KAT14: variants seen among roughly 807,000 people sequenced by gnomAD.
The protein encoded by KAT14 is lysine acetyltransferase 14, also known as cysteine-rich protein 2-binding protein.
In KAT14, 66 loss-of-function variants were observed where a neutral mutation model predicts 78.4. The observed-to-expected ratio is 0.84, with a 90% CI of 0.69 to 1.03. KAT14 has a LOEUF of 1.03. KAT14 is among the 50% of genes least tolerant of loss of function. The pLI, the probability that KAT14 is intolerant of heterozygous loss-of-function variation, is 0.00. For synonymous variants in KAT14, 344 were observed against 359.4 expected (o/e 0.96, Z 0.48); for missense variants, 870 against 972.5 (o/e 0.89, Z 1.40).
At chr20:18,150,147 T>C (rs1263909032) in intron 3 of KAT14, among the ~76,000 whole-genome samples, 1 of 152,120 alleles carries the variant, frequency 6.6e-6, no homozygotes, top group Non-Finnish European at 1.5e-5. Context: ...CATCCTGAGC[T>C]CTGGGGTTGT....
intron 2 of KAT14, among the ~76,000 whole-genome samples, chr20:18,143,643 T>TTTTTTTGA (rs1421476027): frequency 6.7e-6 from 1 of 149,884 alleles, no homozygotes; most frequent in Admixed American, 6.7e-5. Flanking sequence ...TTTTTTTTTT[T>TTTTTTTGA]TGAGACGGAG....
chr20:18,183,321 G>A, intron 9 of KAT14, 23 bp downstream of exon 9: 3 of 1,605,296 alleles, frequency 1.9e-6, no homozygotes, highest in Non-Finnish European at 2.6e-6. Context: ...TCCCAAACCA[G>A]GCAGGTCATT....
intron 7 of KAT14, among the ~76,000 whole-genome samples, chr20:18,177,753 A>T (rs1193709844): frequency 3.3e-5 from 5 of 152,158 alleles, no homozygotes; most frequent in African/African-American, 1.2e-4. Context: ...CAACTTTATA[A>T]ATGTGCCTTT....
intron 2 of KAT14, among the ~76,000 whole-genome samples, chr20:18,143,746 G>A (rs1482004878): frequency 1.3e-5 from 2 of 151,920 alleles, no homozygotes; most frequent in African/African-American, 4.8e-5. Context: ...TCCTGCCTCG[G>A]CCTCCCGAGT....
At position 18,187,408 on chromosome 20, in the gene KAT14, AT is replaced by A; in HGVS notation, c.2297del (p.Leu766TrpfsTer12). ...VLDFYDKYYP[L>X]ESTECKHAFF... is the part of the protein sequence containing the mutation. ...TAGATTTCTATGATAAATATTACCC[AT>A]TGGAGAGTACAGAGTGTAAACACGC... is the stretch of plus-strand genomic sequence containing the variant. On this transcript the variant is annotated frameshift_variant, in exon 11 of 11. Coordinates refer to ENST00000688188, the MANE Select transcript of KAT14 (RefSeq NM_001392073.1). LOFTEE classifies it high-confidence loss of function. The A allele has an allele frequency of 6.2e-7, 1 of 1,614,236 alleles. No homozygotes were observed. The highest frequency in any genetic ancestry group is 8.5e-7 in the Non-Finnish European group (1 of 1,180,040).
Position 18,172,696 on chromosome 20 carries a change from T to G in KAT14, c.1669-9014T>G, listed in dbSNP as rs989034981. Among the ~76,000 whole-genome samples the G allele has an allele frequency of 1.4e-4, 21 of 152,360 alleles. No homozygotes were observed. The South Asian group carries it at 3.9e-3, about 29-fold the overall frequency. On this transcript the variant is annotated intron_variant, in intron 7 of 10. Coordinates refer to ENST00000688188, the MANE Select transcript of KAT14 (RefSeq NM_001392073.1). ...TCTGAGGTGTGCCTATATTTTAAATTCCCAGTCCAGTAGCTGTAACATCTT... is the reference window on the plus strand; with the variant it reads ...TCTGAGGTGTGCCTATATTTTAAATGCCCAGTCCAGTAGCTGTAACATCTT...
chr20:18,148,735 G>A (rs890918536), intron 3 of KAT14, among the ~76,000 whole-genome samples: 26 of 151,122 alleles, frequency 1.7e-4, no homozygotes, highest in African/African-American at 7.3e-5. Flanking sequence ...TCAGCCTCCC[G>A]AGTAGCTGGA....
intron 7 of KAT14, among the ~76,000 whole-genome samples, chr20:18,174,822 C>A (rs984471453): frequency 6.6e-6 from 1 of 151,932 alleles, no homozygotes; most frequent in South Asian, 2.1e-4. Flanking sequence ...CGCCACCACA[C>A]CCAGCTAATT....
intron 4 of KAT14, among the ~76,000 whole-genome samples, chr20:18,152,392 C>T (rs1295835559): frequency 2.6e-5 from 4 of 152,204 alleles, no homozygotes; most frequent in Non-Finnish European, 5.9e-5. Context: ...GCCTGGCCAA[C>T]ATGGTGAAAC....
chr20:18,182,932 G>C (rs2039314501), intron 8 of KAT14, among the ~76,000 whole-genome samples, 191 bp from the exon 9 acceptor site: 1 of 152,186 alleles, frequency 6.6e-6, no homozygotes, highest in South Asian at 2.1e-4. Flanking sequence ...GCTTTGGCCT[G>C]ATGAATGTTC....
chr20:18,160,901 A>G (rs2038395257), intron 5 of KAT14, among the ~76,000 whole-genome samples: 2 of 150,586 alleles, frequency 1.3e-5, no homozygotes, highest in South Asian at 4.4e-4. Context: ...AAGGCCGGGC[A>G]TGGTGGCTCA....
At chr20:18,163,884 G>A (rs1372368162) in intron 7 of KAT14, among the ~76,000 whole-genome samples, 1 of 152,044 alleles carries the variant, frequency 6.6e-6, no homozygotes, top group Non-Finnish European at 1.5e-5. Flanking sequence ...CCCATTATTT[G>A]GATATTGGAC....
At position 18,181,837 on chromosome 20, in the gene KAT14, C is replaced by T. The variant is rs11557577; in HGVS notation, c.1796C>T (p.Pro599Leu). 6.2e-7 allele frequency: 1 copy of T among 1,614,032 alleles called. No individual in the cohort carries two copies. The highest frequency in any genetic ancestry group is 8.5e-7 in the Non-Finnish European group (1 of 1,179,962). Reference protein sequence around the residue: ...VSPYTSRILKPYIRRDYETKP... With the variant: ...VSPYTSRILKLYIRRDYETKP... ...CCTTATACCTCTCGGATCTTGAAAC[C>T]TTATATCAGGTATATGGAGAACTAG... Residue 599 changes from proline to leucine, a missense_variant, in exon 8 of 11, where the codon CCT becomes CTT. Coordinates refer to ENST00000688188, the MANE Select transcript of KAT14 (RefSeq NM_001392073.1).
chr20:18,143,663 T>C (rs904554903), intron 2 of KAT14, among the ~76,000 whole-genome samples: 1 of 150,462 alleles, frequency 6.6e-6, no homozygotes, highest in Non-Finnish European at 1.5e-5. Flanking sequence ...GTTTTCCTCT[T>C]ATTGCCCAGG....
chr20:18,145,212 G>C (rs774823731), intron 2 of KAT14, 21 bp from the exon 3 acceptor site: 13 of 1,612,826 alleles, frequency 8.1e-6, no homozygotes, highest in Non-Finnish European at 1.0e-5. Flanking sequence ...CCCATGATGT[G>C]ACTTTTTGTT....
chr20:18,145,366 C>G lies in KAT14; in HGVS notation c.378+15C>G. On this transcript the variant is annotated intron_variant, in intron 3 of 10. Coordinates refer to ENST00000688188, the MANE Select transcript of KAT14 (RefSeq NM_001392073.1). ...CATGGCAGCAAGTGAGTAAAAAGCC[C>G]TTCCCCAAATCCATGAGGGTGGTTC... 1 of 1,613,580 alleles carries G rather than the reference C, an allele frequency of 6.2e-7. No homozygotes were observed. The highest frequency in any genetic ancestry group is 1.3e-5 in the African/African-American group (1 of 75,028).
chr20:18,159,571 G>A (rs1439434581), intron 5 of KAT14, among the ~76,000 whole-genome samples: 6 of 152,098 alleles, frequency 3.9e-5, no homozygotes, highest in Non-Finnish European at 7.3e-5. Flanking sequence ...TAAAATTCCC[G>A]TAATAAATAA....
At chr20:18,153,843 A>G (rs1049138410) in intron 4 of KAT14, among the ~76,000 whole-genome samples, 1 of 152,260 alleles carries the variant, frequency 6.6e-6, no homozygotes, top group African/African-American at 2.4e-5. Context: ...GGAAACCTAT[A>G]TAAATTGTCA....
intron 7 of KAT14, among the ~76,000 whole-genome samples, chr20:18,166,368 A>G (rs1027720115): frequency 3.3e-5 from 5 of 152,192 alleles, no homozygotes; most frequent in Admixed American, 2.6e-4. Context: ...AGTTGCTTAC[A>G]AAAGGTTTAA....
Sources: gnomAD v4.1 joint callset for allele counts (sites outside exome capture counted in the v4.1 genomes callset) on GRCh38, gnomAD v4.1.1 for gene constraint, MANE v1.5 for transcripts, NCBI Gene and HGNC (gene_info 2026-07-23, HGNC 2026-07-21) for gene names.